XYLB: variants seen among roughly 807,000 people sequenced by gnomAD.
XYLB encodes the protein xylulokinase.
A neutral mutation model predicts 78.7 loss-of-function variants in XYLB; 62 were observed. The ratio of observed to expected loss-of-function variants is 0.79; its 90% CI spans 0.64 to 0.97. XYLB has a LOEUF of 0.97. Among genes scored for constraint, XYLB ranks in the 50% least tolerant of loss-of-function variants. The pLI, the probability that XYLB is intolerant of heterozygous loss-of-function variation, is 0.00. For synonymous variants in XYLB, 245 were observed against 247.4 expected, an observed-to-expected ratio of 0.99 and a Z score of 0.09; for missense variants, 687 against 676.8, an observed-to-expected ratio of 1.02 and a Z score of -0.17.
intron 18 of XYLB, among the ~76,000 whole-genome samples, chr3:38,407,368 G>T (rs1708369571): frequency 1.3e-5 from 2 of 152,178 alleles, no homozygotes; most frequent in South Asian, 4.1e-4. Context: ...TGCCCTAAAA[G>T]AGCTCCTGAA....
chr3:38,413,847 G>A lies in XYLB; in HGVS notation c.*834G>A, dbSNP rs1370060932. The A allele has an allele frequency of 6.6e-6, 1 of 152,124 alleles. No homozygotes were observed. The highest frequency in any genetic ancestry group is 1.5e-5 in the Non-Finnish European group (1 of 68,042). 9.4% of individuals were successfully genotyped at this position (152,124 alleles called of 1,614,324 possible). On this transcript the variant is annotated 3_prime_UTR_variant, in exon 19 of 19. Coordinates refer to ENST00000207870, the MANE Select transcript of XYLB (RefSeq NM_005108.4). ...CCCTCATTCCCTCTCTCTTCTTGCAGTCCACTTGCTGAAGAAGTTGTGTCA... is the reference window on the plus strand; with the variant it reads ...CCCTCATTCCCTCTCTCTTCTTGCAATCCACTTGCTGAAGAAGTTGTGTCA...
intron 18 of XYLB, among the ~76,000 whole-genome samples, chr3:38,412,121 G>A (rs1022188228): frequency 3.3e-5 from 5 of 151,942 alleles, no homozygotes; most frequent in Non-Finnish European, 5.9e-5. Context: ...CTCTCGAGTA[G>A]TTGGGATTAC....
chr3:38,435,517 T>G, the XYLB span, among the ~76,000 whole-genome samples: 4 of 152,240 alleles, frequency 2.6e-5, no homozygotes, highest in Admixed American at 6.5e-5. Flanking sequence ...CACCCCACTT[T>G]CAGCATTAGA....
intron 2 of XYLB, among the ~76,000 whole-genome samples, chr3:38,349,878 C>G: frequency 6.6e-6 from 1 of 152,292 alleles, no homozygotes; most frequent in South Asian, 2.1e-4. Flanking sequence ...CATCTGTATC[C>G]TAATCTTCTT....
At chr3:38,395,584 T>C (rs1011149865) in intron 16 of XYLB, 21 bp downstream of exon 16, 6 of 1,611,880 alleles carry the variant, frequency 3.7e-6, no homozygotes, top group Non-Finnish European at 4.2e-6. Flanking sequence ...GTAGTGGGCC[T>C]TACACCATGG....
downstream of XYLB, among the ~76,000 whole-genome samples, chr3:38,421,053 T>TGTAGATTA (rs1272811206): frequency 5.9e-5 from 9 of 152,266 alleles, no homozygotes; most frequent in Non-Finnish European, 8.8e-5. Context: ...CCATAAAGAT[T>TGTAGATTA]GCTTTTAGCT....
chr3:38,399,014 C>T (rs1291637651), intron 17 of XYLB, among the ~76,000 whole-genome samples: 4 of 152,018 alleles, frequency 2.6e-5, no homozygotes, highest in Non-Finnish European at 1.5e-5. Context: ...CACTGCACTC[C>T]AGCCTGGCAA....
intron 18 of XYLB, 116 bp downstream of exon 18, chr3:38,401,101 T>G (rs939165088): frequency 2.3e-6 from 2 of 857,234 alleles, no homozygotes; most frequent in Non-Finnish European, 3.7e-6. Context: ...AAAGGAGAAA[T>G]TCTGCTTTAT....
At chr3:38,421,580 G>C (rs1708980124), downstream of XYLB, among the ~76,000 whole-genome samples, 1 of 152,174 alleles carries the variant, frequency 6.6e-6, no homozygotes, top group African/African-American at 2.4e-5. Context: ...GGAAAAGGTA[G>C]GCAGCACACT....
At chr3:38,447,425 T>A in the XYLB span, among the ~76,000 whole-genome samples, 1 of 151,040 alleles carries the variant, frequency 6.6e-6, no homozygotes, top group African/African-American at 2.4e-5. Context: ...CACTTCAGCC[T>A]CCTGAAGAGC....
intron 2 of XYLB, among the ~76,000 whole-genome samples, chr3:38,351,171 C>CAAAAAAAAAAAAAAAA (rs58457623): frequency 7.8e-4 from 18 of 23,086 alleles, no homozygotes; most frequent in African/African-American, 1.5e-3. Flanking sequence ...GAGCCTGTCT[C>CAAAAAAAAAAAAAAAA]AAAAAAAAAA....
chr3:38,378,457 T>G (rs704953), intron 14 of XYLB, among the ~76,000 whole-genome samples: 152,017 of 152,344 alleles, frequency 1, 75,847 homozygotes, highest in East Asian at 1. Flanking sequence ...AAGGCTAGGT[T>G]GCAGAAGAAC....
At chr3:38,440,968 T>G in the XYLB span, among the ~76,000 whole-genome samples, 1 of 152,018 alleles carries the variant, frequency 6.6e-6, no homozygotes, top group Non-Finnish European at 1.5e-5. Flanking sequence ...TTTCCTTCTC[T>G]GACTTTCCGT....
intron 11 of XYLB, 40 bp from the exon 12 acceptor site, chr3:38,375,104 G>A (rs751080838): frequency 3.9e-6 from 6 of 1,557,372 alleles, no homozygotes; most frequent in African/African-American, 2.7e-5. Context: ...GCGTGTGTGG[G>A]CAAAGCCCAA....
chr3:38,419,464 C>G (rs748965508), downstream of XYLB, among the ~76,000 whole-genome samples: 7 of 150,656 alleles, frequency 4.6e-5, no homozygotes, highest in Non-Finnish European at 8.9e-5. Flanking sequence ...TTCTGTTTAA[C>G]TTTTTGAGGA....
the XYLB span, among the ~76,000 whole-genome samples, chr3:38,442,307 G>T: frequency 6.6e-5 from 10 of 151,984 alleles, 1 homozygote; most frequent in South Asian, 1.0e-3. Flanking sequence ...GCTGGCATGA[G>T]GCTTCTGAAC....
Position 38,397,114 on chromosome 3 carries a change from A to G in XYLB, c.1393A>G (p.Thr465Ala), listed in dbSNP as rs1438489930. The G allele has an allele frequency of 6.2e-7, 1 of 1,614,146 alleles. No homozygotes were observed. Reference sequence around the variant, plus strand: ...TGATGCCCCGGTGTATGTTATAGACACTGCCAACTCGGCCTGTGTGGGTTC... The same window carrying G: ...TGATGCCCCGGTGTATGTTATAGACGCTGCCAACTCGGCCTGTGTGGGTTC... ...VFDAPVYVID[T>A]ANSACVGSAY... Residue 465 changes from threonine (T) to alanine (A), a missense_variant, in exon 17 of 19, where the codon ACT becomes GCT. Transcript: ENST00000207870.
At chr3:38,400,059 C>A (rs1436006662) in intron 17 of XYLB, among the ~76,000 whole-genome samples, 1 of 152,178 alleles carries the variant, frequency 6.6e-6, no homozygotes, top group East Asian at 1.9e-4. Flanking sequence ...GGCCCTTCTT[C>A]ACTCCTGGTG....
chr3:38,397,454 C>A (rs770242545), intron 17 of XYLB, among the ~76,000 whole-genome samples: 1 of 152,128 alleles, frequency 6.6e-6, no homozygotes, highest in African/African-American at 2.4e-5. Context: ...GTTGAGAGCA[C>A]GTGGGCATGA....
Sources: gnomAD v4.1 joint callset for allele counts (sites outside exome capture counted in the v4.1 genomes callset) on GRCh38, gnomAD v4.1.1 for gene constraint, MANE v1.5 for transcripts, NCBI Gene and HGNC (gene_info 2026-07-23, HGNC 2026-07-21) for gene names.